MRPL48: variants seen among roughly 807,000 people sequenced by gnomAD.
The protein encoded by MRPL48 is mitochondrial ribosomal protein L48.
In MRPL48, 16 loss-of-function variants were observed where a neutral mutation model predicts 32.9. The ratio of observed to expected loss-of-function variants is 0.49; its 90% CI spans 0.33 to 0.74. The LOEUF (loss-of-function observed/expected upper bound fraction) is 0.74, where lower values mean the gene tolerates loss of function less well. Ranked by LOEUF, MRPL48 falls within the 30% of genes least tolerant of loss-of-function variation. The pLI, the probability that MRPL48 is intolerant of heterozygous loss-of-function variation, is 0.02. For missense variants in MRPL48, 206 were observed against 245.3 expected, an observed-to-expected ratio of 0.84 and a Z score of 1.07; for synonymous variants, 94 against 89.2, an observed-to-expected ratio of 1.05 and a Z score of -0.31.
At chr11:73,847,246 G>A (rs756632545) in intron 5 of MRPL48, among the ~76,000 whole-genome samples, 7 of 151,948 alleles carry the variant, frequency 4.6e-5, no homozygotes, top group Non-Finnish European at 7.4e-5. Context: ...CTATTAATAG[G>A]TTTATAGTGG....
chr11:73,838,887 G>T (rs988434607), intron 4 of MRPL48, among the ~76,000 whole-genome samples: 2 of 152,148 alleles, frequency 1.3e-5, no homozygotes, highest in South Asian at 4.1e-4. Flanking sequence ...ACATTTATCT[G>T]TTTGGGCTTC....
intron 4 of MRPL48, among the ~76,000 whole-genome samples, chr11:73,828,209 G>A (rs1283421493): frequency 6.6e-6 from 1 of 151,412 alleles, no homozygotes; most frequent in African/African-American, 2.4e-5. Flanking sequence ...CTATTCAAGA[G>A]TGAGTTGCAA....
At chr11:73,801,557 CA>C (rs1347843383) in intron 1 of MRPL48, among the ~76,000 whole-genome samples, 2 of 152,196 alleles carry the variant, frequency 1.3e-5, no homozygotes, top group Non-Finnish European at 2.9e-5. Context: ...TCCCAATCTT[CA>C]TGGTTTTACA....
chr11:73,811,537 AC>A (rs1407310766), intron 3 of MRPL48, among the ~76,000 whole-genome samples: 1 of 152,168 alleles, frequency 6.6e-6, no homozygotes, highest in Non-Finnish European at 1.5e-5. Flanking sequence ...TGTCAAATAA[AC>A]CCAGAATTGG....
At chr11:73,816,446 A>G (rs1053591373) in intron 3 of MRPL48, among the ~76,000 whole-genome samples, 11 of 147,700 alleles carry the variant, frequency 7.4e-5, no homozygotes, top group African/African-American at 2.3e-4. Context: ...CTTTTTGGTT[A>G]CTACAGTTTT....
Position 73,814,968 on chromosome 11 carries a change from A to G in MRPL48, c.112+6618A>G, listed in dbSNP as rs546394598. On this transcript the variant is annotated intron_variant, in intron 3 of 7. Transcript: ENST00000310614. ...GATGTCTTGCCACTGCACGTCAGCC[A>G]GGATGACAGAGCAAGACTTGGTCTC... Among the ~76,000 whole-genome samples, 29 of 151,108 alleles carry G rather than the reference A, an allele frequency of 1.9e-4. No homozygotes were observed. The South Asian group carries it at 3.4e-3, about 17-fold the overall frequency.
intron 2 of MRPL48, among the ~76,000 whole-genome samples, chr11:73,805,796 C>G (rs1792176): frequency 0.51 from 77,821 of 151,378 alleles, 21,207 homozygotes; most frequent in African/African-American, 0.71. Flanking sequence ...GTAGCTGGGA[C>G]TACAGGCATG....
chr11:73,845,144 T>C, intron 5 of MRPL48, 168 bp downstream of exon 5: 1 of 636,642 alleles, frequency 1.6e-6, no homozygotes, highest in East Asian at 3.3e-5. Context: ...CCTGAAAAGT[T>C]CTTTGGTGCC....
chr11:73,808,161 G>A (rs7931475), intron 2 of MRPL48, 152 bp from the exon 3 acceptor site: 33,541 of 731,460 alleles, frequency 0.046, 923 homozygotes, highest in South Asian at 0.062. Flanking sequence ...CACACATCAG[G>A]TCCTTATTAA....
rs760887046 is a variant in MRPL48 at position 73,816,359 on chromosome 11, C to T, written c.112+8009C>T. ...ACAGGCGTGAGCCACCGTGCCCGGC[C>T]GGAACTACTTTTTAAACTTCATCTT... is the stretch of plus-strand genomic sequence containing the variant. On this transcript the variant is annotated intron_variant, in intron 3 of 7. Transcript: ENST00000310614. 1.3e-4 allele frequency among the ~76,000 whole-genome samples: 19 copies of T among 151,516 alleles called. 1 individual carries two copies. The highest frequency in any genetic ancestry group is 2.5e-4 in the Non-Finnish European group (17 of 67,924).
intron 4 of MRPL48, among the ~76,000 whole-genome samples, chr11:73,837,069 A>C (rs1266256281): frequency 1.3e-5 from 2 of 152,178 alleles, no homozygotes; most frequent in African/African-American, 4.8e-5. Flanking sequence ...CTTAACCCCA[A>C]ATCATTCAAA....
chr11:73,789,738 T>C (rs72989224), intron 1 of MRPL48, among the ~76,000 whole-genome samples: 25,254 of 152,162 alleles, frequency 0.17, 2,326 homozygotes, highest in African/African-American at 0.24. Flanking sequence ...TATTGTTCTA[T>C]AGTTAATAAA....
chr11:73,794,533 C>T (rs1312972327), intron 1 of MRPL48, among the ~76,000 whole-genome samples: 1 of 147,088 alleles, frequency 6.8e-6, no homozygotes, highest in African/African-American at 2.5e-5. Flanking sequence ...CCAGCCTGGG[C>T]AACAAGAGTG....
At chr11:73,844,299 G>T (rs34828254) in intron 4 of MRPL48, among the ~76,000 whole-genome samples, 8,357 of 151,628 alleles carry the variant, frequency 0.055, 254 homozygotes, top group Middle Eastern at 0.11. Flanking sequence ...GGTGTGGTGG[G>T]GTGCGCCTGT....
At chr11:73,790,374 CTTTTTTTTT>C (rs759628609) in intron 1 of MRPL48, among the ~76,000 whole-genome samples, 3,047 of 57,704 alleles carry the variant, frequency 0.053, 54 homozygotes, top group Middle Eastern at 0.091. Flanking sequence ...CGCACCCGGC[CTTTTTTTTT>C]TTTTTTTTTT....
At chr11:73,862,420 C>T (rs573596025) in intron 6 of MRPL48, among the ~76,000 whole-genome samples, 1 of 151,356 alleles carries the variant, frequency 6.6e-6, no homozygotes, top group South Asian at 2.1e-4. Context: ...GAAACTCCAT[C>T]TCAAAAACAA....
At chr11:73,821,336 A>G (rs79496260) in intron 3 of MRPL48, among the ~76,000 whole-genome samples, 1,573 of 152,222 alleles carry the variant, frequency 0.01, 27 homozygotes, top group African/African-American at 0.036. Context: ...TATTAGTCTA[A>G]TGATTCTGTC....
At chr11:73,799,567 A>G (rs1199442003) in intron 1 of MRPL48, among the ~76,000 whole-genome samples, 1 of 152,188 alleles carries the variant, frequency 6.6e-6, no homozygotes, top group Non-Finnish European at 1.5e-5. Flanking sequence ...TTTCCTCACT[A>G]TAAAATGCGG....
chr11:73,791,319 A>G (rs1024272296), intron 1 of MRPL48, among the ~76,000 whole-genome samples: 1 of 152,122 alleles, frequency 6.6e-6, no homozygotes, highest in Non-Finnish European at 1.5e-5. Context: ...TTTGTAACCC[A>G]TACAGCCCAT....
Sources: allele counts gnomAD v4.1 joint callset (sites outside exome capture counted in the v4.1 genomes callset), GRCh38; gene constraint gnomAD v4.1.1; transcripts MANE v1.5; gene names NCBI Gene and HGNC (gene_info 2026-07-23, HGNC 2026-07-21).